Variants in ABCA1 observed in about 807,000 individuals in gnomAD.
ABCA1 encodes the protein phospholipid-transporting ATPase ABCA1.
ABCA1 carries 133 observed loss-of-function variants against 262.5 expected under a neutral mutation model. The observed-to-expected ratio is 0.51, with a 90% confidence interval of 0.44 to 0.59. ABCA1 has a LOEUF of 0.59. Among genes scored for constraint, ABCA1 ranks in the 20% least tolerant of loss-of-function variants. The pLI is 0.00. For synonymous variants in ABCA1, 1,022 were observed against 1,043.5 expected (o/e 0.98, Z 0.40); for missense variants, 2,452 against 2,777.5 (o/e 0.88, Z 2.63).
chr9:104,921,535 TG>T (rs1284204336), intron 1 of ABCA1, among the ~76,000 whole-genome samples: 1 of 152,170 alleles, frequency 6.6e-6, no homozygotes, highest in Non-Finnish European at 1.5e-5. Context: ...TGAGCGAAAC[TG>T]AAATGTTTGT....
intron 5 of ABCA1, among the ~76,000 whole-genome samples, chr9:104,877,125 G>A (rs989475101): frequency 1.3e-5 from 2 of 152,124 alleles, no homozygotes; most frequent in African/African-American, 4.8e-5. Context: ...CTTCCAGAAA[G>A]CTCTGGGGGG....
chr9:104,893,001 G>C (rs1839883729), intron 2 of ABCA1, among the ~76,000 whole-genome samples: 1 of 152,162 alleles, frequency 6.6e-6, no homozygotes. Flanking sequence ...GTAATATTAA[G>C]TGAAAAAAGC....
rs1449905809 is a variant in ABCA1, at chr9:104,781,091, G to C, written c.*3224C>G. ...TATGCATTTTAATACTTCATATAAA[G>C]TTATTGACATACAAAATTTTTTTTC... On this transcript the variant is annotated 3_prime_UTR_variant, in exon 50 of 50. Coordinates refer to ENST00000374736, the MANE Select transcript of ABCA1 (RefSeq NM_005502.4). The C allele has an allele frequency of 6.6e-6, 1 of 152,542 alleles. No homozygotes were observed. The highest frequency in any genetic ancestry group is 1.5e-5 in the Non-Finnish European group (1 of 68,022). 9.4% of individuals were successfully genotyped at this position (152,542 alleles called of 1,614,324 possible). A position where few individuals can be genotyped will look rare whatever the true frequency, so the allele number is the denominator to read the frequency against.
Position 104,811,065 on chromosome 9 carries a change from T to G in ABCA1, c.4051-141A>C, listed in dbSNP as rs200695806. On this transcript the variant is annotated intron_variant, in intron 28 of 49. Transcript: ENST00000374736. ...CAATGAGGAATGCAGGGCCTATGAC[T>G]GTGCTGCACCAAGGCATTCTTGGCA... 6.7e-5 allele frequency: 85 copies of G among 1,265,526 alleles called. No individual in the cohort carries two copies. The East Asian group carries it at 1.8e-3, about 27-fold the overall frequency. The allele number at this position is 1,265,526 out of a possible 1,614,324, so 78.4% of individuals were successfully genotyped here. A position where few individuals can be genotyped will look rare whatever the true frequency, so the allele number is the denominator to read the frequency against.
At chr9:104,890,575 C>T (rs1002593377) in intron 2 of ABCA1, among the ~76,000 whole-genome samples, 4 of 151,156 alleles carry the variant, frequency 2.6e-5, no homozygotes, top group Non-Finnish European at 2.9e-5. Flanking sequence ...AGAGAGACTC[C>T]GTCTCAAAAA....
chr9:104,859,329 G>C (rs530329385), intron 6 of ABCA1, among the ~76,000 whole-genome samples: 1 of 152,226 alleles, frequency 6.6e-6, no homozygotes, highest in South Asian at 2.1e-4. Flanking sequence ...CCTCTTCTTG[G>C]TCATATTTTA....
chr9:104,841,742 C>T (rs1014580770), intron 8 of ABCA1, among the ~76,000 whole-genome samples: 8 of 152,222 alleles, frequency 5.3e-5, no homozygotes, highest in African/African-American at 1.4e-4. Context: ...ACAGTCCCAA[C>T]AGCGTGAGTC....
At chr9:104,816,868 C>T (rs1056747542) in intron 24 of ABCA1, among the ~76,000 whole-genome samples, 1 of 152,180 alleles carries the variant, frequency 6.6e-6, no homozygotes, top group Admixed American at 6.5e-5. Flanking sequence ...GCCATTAGGA[C>T]TAGGCAGAGA....
intron 36 of ABCA1, chr9:104,799,532 ATAAT>A (rs1231508845): frequency 1.0e-6 from 1 of 981,278 alleles, no homozygotes; most frequent in Non-Finnish European, 1.2e-6. Flanking sequence ...TTAAACACTT[ATAAT>A]TAAATTATAA....
chr9:104,812,472 G>A (rs973773831), intron 28 of ABCA1, 102 bp downstream of exon 28: 65 of 1,465,966 alleles, frequency 4.4e-5, no homozygotes, highest in African/African-American at 3.5e-4. Flanking sequence ...ATCTGGCTCC[G>A]GCATCCATAT....
intron 1 of ABCA1, among the ~76,000 whole-genome samples, chr9:104,914,000 C>G (rs751025731): frequency 8.6e-4 from 130 of 151,716 alleles, no homozygotes; most frequent in Non-Finnish European, 1.6e-3. Context: ...GGGGTTTCGC[C>G]GTGTTAGCCA....
chr9:104,905,477 T>G (rs1841053121), intron 1 of ABCA1, among the ~76,000 whole-genome samples: 1 of 152,228 alleles, frequency 6.6e-6, no homozygotes, highest in African/African-American at 2.4e-5. Flanking sequence ...CAAGAAATTC[T>G]CTGAAATAGT....
In ABCA1 at chr9:104,861,664, G is replaced by C. The variant is rs1836398980; in HGVS notation, c.543+15C>G. On this transcript the variant is annotated intron_variant, in intron 6 of 49. Coordinates refer to ENST00000374736, the MANE Select transcript of ABCA1 (RefSeq NM_005502.4). ...GCCATCAGCCCTACTGAGGAAGCTG[G>C]AGGCATCAGCTTACCTTGTGGAGAA... is the stretch of plus-strand genomic sequence containing the variant. 6.2e-7 allele frequency: 1 copy of C among 1,614,070 alleles called. No homozygotes were observed. The highest frequency in any genetic ancestry group is 1.3e-5 in the African/African-American group (1 of 75,022).
chr9:104,787,945 A>G lies in ABCA1; in HGVS notation c.6179T>C (p.Ile2060Thr). The change falls in exon 46 of 50, where the codon ATC becomes ACC. Residue 2060 changes from isoleucine to threonine, a missense_variant. Physicochemically the swap from Ile to Thr is moderately conservative, Grantham distance 89 (BLOSUM62 -1). Around this residue, in one of 4 missense-constraint regions of ABCA1, gnomAD observed 752 missense variants for 944.5 expected, o/e 0.80. Transcript: ENST00000374736. Reference sequence around the variant, plus strand: ...CAGAAACACCACAGGAGGCCCGCCGATCAAAGCCATGGCTGTAGAGAGCTT... The same window carrying G: ...CAGAAACACCACAGGAGGCCCGCCGGTCAAAGCCATGGCTGTAGAGAGCTT... The part of the protein sequence containing the change: ...KRKLSTAMAL[I>T]GGPPVVFLDE... The G allele has an allele frequency of 6.2e-7, 1 of 1,614,136 alleles. No individual in the cohort carries two copies. Among genetic ancestry groups the G allele is most frequent in the Non-Finnish European group, 8.5e-7 (1 of 1,180,012 alleles).
intron 7 of ABCA1, chr9:104,855,062 G>A (rs1835722213): frequency 2.7e-6 from 2 of 731,090 alleles, no homozygotes; most frequent in Non-Finnish European, 3.3e-6. Context: ...GGTACGGACT[G>A]AGACATAAAT....
Position 104,818,890 on chromosome 9 carries a change from G to A in ABCA1, c.3242-7C>T, listed in dbSNP as rs1414688470. On this transcript the variant is annotated splice_polypyrimidine_tract_variant and splice_region_variant and intron_variant, in intron 22 of 49. Transcript: ENST00000374736. Reference sequence around the variant, plus strand: ...GAGAGAATAATGGTGCGGCCTGCCAGGCACAAACACAAGGATGTGGGACAG... The same window carrying A: ...GAGAGAATAATGGTGCGGCCTGCCAAGCACAAACACAAGGATGTGGGACAG... 2 of 1,609,542 alleles carry A rather than the reference G, an allele frequency of 1.2e-6. No individual in the cohort carries two copies. Among genetic ancestry groups the A allele is most frequent in the Middle Eastern group, 3.7e-4 (2 of 5,380 alleles).
intron 1 of ABCA1, among the ~76,000 whole-genome samples, chr9:104,911,680 C>T (rs1161030595): frequency 6.6e-6 from 1 of 152,136 alleles, no homozygotes; most frequent in African/African-American, 2.4e-5. Flanking sequence ...CCTCACACTC[C>T]TGAAACATTC....
intron 34 of ABCA1, among the ~76,000 whole-genome samples, chr9:104,801,791 G>A (rs563439526): frequency 6.0e-4 from 92 of 152,292 alleles, no homozygotes; most frequent in East Asian, 9.7e-4. Flanking sequence ...TGATCCACCC[G>A]CTTCGGCCTC....
intron 1 of ABCA1, among the ~76,000 whole-genome samples, chr9:104,917,740 C>A (rs1045932417): frequency 2.0e-5 from 3 of 151,536 alleles, no homozygotes; most frequent in Non-Finnish European, 2.9e-5. Flanking sequence ...GGCAACAGAG[C>A]AAGACTCGTC....
Sources: gnomAD v4.1 joint callset for allele counts (sites outside exome capture counted in the v4.1 genomes callset) on GRCh38, gnomAD v4.1.1 for gene constraint, gnomAD v4.1.1 regional missense constraint, MANE v1.5 for transcripts, NCBI Gene and HGNC (gene_info 2026-07-23, HGNC 2026-07-21) for gene names.